Variants in BCL11B observed in about 807,000 individuals in gnomAD.
BCL11B encodes B-cell lymphoma/leukemia 11B.
Under a neutral mutation model 49.9 loss-of-function variants are expected in BCL11B, and 8 were observed. The observed-to-expected ratio is 0.16, with a 90% CI of 0.09 to 0.29. BCL11B has a LOEUF of 0.29. Ranked by LOEUF, BCL11B falls within the 10% of genes least tolerant of loss-of-function variation. The pLI is 1.00. For synonymous variants in BCL11B, 739 were observed against 637.4 expected (o/e 1.16, Z -2.40); for missense variants, 1,006 against 1,351.0 (o/e 0.74, Z 4.00).
chr14:99,252,107 G>A (rs768044907), intron 2 of BCL11B, among the ~76,000 whole-genome samples: 7 of 152,126 alleles, frequency 4.6e-5, no homozygotes, highest in Non-Finnish European at 2.9e-5. Context: ...GCCCTGTTCA[G>A]CCATCCCAAC....
rs1888341427 is a variant in BCL11B at position 99,231,681 on chromosome 14, C to T, written c.428-124G>A. ...CCACCCTTCGGGGGTGGGAGGCCCC[C>T]GGGGTGCCAGGCCCTGCAGGGAAGG... On this transcript the variant is annotated intron_variant, in intron 2 of 3. Coordinates refer to ENST00000357195, the MANE Select transcript of BCL11B (RefSeq NM_138576.4). This position sits in a 1 kb window ranked among gnomAD's most constrained non-coding sequence, Gnocchi z 8.1. The T allele has an allele frequency of 7.3e-6, 6 of 822,156 alleles. No homozygotes were observed. Among genetic ancestry groups the T allele is most frequent in the African/African-American group, 3.7e-5 (2 of 54,492 alleles). 50.9% of individuals were successfully genotyped at this position (822,156 alleles called of 1,614,324 possible). A position where few individuals can be genotyped will look rare whatever the true frequency, so the allele number is the denominator to read the frequency against.
At chr14:99,187,387 AAAT>A (rs1002394987) in intron 3 of BCL11B, among the ~76,000 whole-genome samples, 5 of 152,170 alleles carry the variant, frequency 3.3e-5, no homozygotes, top group African/African-American at 1.2e-4. Context: ...AATCCACTGG[AAAT>A]AATAAAGAAT....
chr14:99,243,464 A>G (rs1023047839), intron 2 of BCL11B, among the ~76,000 whole-genome samples: 7 of 152,176 alleles, frequency 4.6e-5, no homozygotes, highest in African/African-American at 1.4e-4. Context: ...GAAATCAGCA[A>G]TTGCTTCACT....
At chr14:99,267,659 G>T (rs910509407) in intron 1 of BCL11B, among the ~76,000 whole-genome samples, 1 of 152,100 alleles carries the variant, frequency 6.6e-6, no homozygotes, top group Non-Finnish European at 1.5e-5. Flanking sequence ...CTACCCTGGG[G>T]AGTTAAGATA....
At chr14:99,220,629 A>T (rs1210828937) in intron 3 of BCL11B, among the ~76,000 whole-genome samples, 1 of 152,144 alleles carries the variant, frequency 6.6e-6, no homozygotes, top group Non-Finnish European at 1.5e-5. Flanking sequence ...GTTTGGGATG[A>T]TGGAAAAGCT....
At chr14:99,197,078 C>T (rs1887198985) in intron 3 of BCL11B, among the ~76,000 whole-genome samples, 1 of 152,200 alleles carries the variant, frequency 6.6e-6, no homozygotes, top group Admixed American at 6.5e-5. Context: ...CATTTTGTTA[C>T]AGGTGAAGGA....
intron 2 of BCL11B, among the ~76,000 whole-genome samples, chr14:99,251,818 C>A (rs1310359887): frequency 6.6e-6 from 1 of 152,114 alleles, no homozygotes; most frequent in African/African-American, 2.4e-5. Flanking sequence ...CATCAAGGCC[C>A]CACCAGCCAG....
chr14:99,270,916 C>CG, intron 1 of BCL11B, among the ~76,000 whole-genome samples: 1 of 151,762 alleles, frequency 6.6e-6, no homozygotes, highest in African/African-American at 2.4e-5. Flanking sequence ...GGCCCGGAGC[C>CG]GGCTCCGCAG....
In BCL11B at chr14:99,184,090, T is replaced by G. The variant is rs1886785700; in HGVS notation, c.641-7895A>C. Among the ~76,000 whole-genome samples, 3 of 151,984 alleles carry G rather than the reference T, an allele frequency of 2.0e-5. No homozygotes were observed. Among genetic ancestry groups the G allele is most frequent in the Non-Finnish European group, 4.4e-5 (3 of 67,996 alleles). ...GGCCTCCCTGATACCCAGGACGATG[T>G]ATCAGGCACCCCAGCCTTTGGGATC... On this transcript the variant is annotated intron_variant, in intron 3 of 3. Coordinates refer to ENST00000357195, the MANE Select transcript of BCL11B (RefSeq NM_138576.4). This position sits in a 1 kb window ranked among gnomAD's most constrained non-coding sequence, Gnocchi z 6.1.
At chr14:99,255,745 A>T (rs1454992147) in intron 2 of BCL11B, among the ~76,000 whole-genome samples, 1 of 152,218 alleles carries the variant, frequency 6.6e-6, no homozygotes, top group Non-Finnish European at 1.5e-5. Context: ...ACCAACAAAG[A>T]CAAAAGGGAC....
At chr14:99,227,344 G>A (rs1263507730) in intron 3 of BCL11B, among the ~76,000 whole-genome samples, 1 of 152,070 alleles carries the variant, frequency 6.6e-6, no homozygotes, top group South Asian at 2.1e-4. Flanking sequence ...TCCCCAGAAC[G>A]ACCCTTCAGA....
Position 99,169,959 on chromosome 14 carries a change from T to TA in BCL11B, c.*4191dup, listed in dbSNP as rs1566789502. 8.7e-6 allele frequency: 2 copies of TA among 229,682 alleles called. No homozygotes were observed. Among genetic ancestry groups the TA allele is most frequent in the Admixed American group, 1.1e-4 (2 of 17,644 alleles). 14.2% of individuals were successfully genotyped at this position (229,682 alleles called of 1,614,324 possible). A position where few individuals can be genotyped will look rare whatever the true frequency, so the allele number is the denominator to read the frequency against. On this transcript the variant is annotated 3_prime_UTR_variant, in exon 4 of 4. Transcript: ENST00000357195. Reference sequence around the variant, plus strand: ...CTGAGGTCGGCTGGGTCACCCATGCTAGAGGCCTCTCTCTCGGGATCATCT... The same window carrying TA: ...CTGAGGTCGGCTGGGTCACCCATGCTAAGAGGCCTCTCTCTCGGGATCATCT...
chr14:99,267,271 A>C lies in BCL11B; in HGVS notation c.58+3890T>G, dbSNP rs186952398. ...ACAGGCAGATAGCAACCTCCCCATCAAAAAAAAAGAAAAGAAAAGAAAAGA... is the reference window on the plus strand; with the variant it reads ...ACAGGCAGATAGCAACCTCCCCATCCAAAAAAAAGAAAAGAAAAGAAAAGA... On this transcript the variant is annotated intron_variant, in intron 1 of 3. Coordinates refer to ENST00000357195, the MANE Select transcript of BCL11B (RefSeq NM_138576.4). 6.7e-3 allele frequency among the ~76,000 whole-genome samples: 1,005 copies of C among 149,392 alleles called. 8 individuals are homozygous for C. Among genetic ancestry groups the C allele is most frequent in the African/African-American group, 0.024 (931 of 39,486 alleles).
chr14:99,240,804 A>G (rs1049546178), intron 2 of BCL11B, among the ~76,000 whole-genome samples: 4 of 152,260 alleles, frequency 2.6e-5, no homozygotes, highest in Non-Finnish European at 5.9e-5. Context: ...TTGTTAGCAC[A>G]TTAACGCTAG....
intron 3 of BCL11B, among the ~76,000 whole-genome samples, chr14:99,208,901 G>A (rs960036763): frequency 1.3e-5 from 2 of 152,206 alleles, no homozygotes; most frequent in Non-Finnish European, 2.9e-5. Context: ...CACATACACT[G>A]CAGCCAGGCC....
intron 3 of BCL11B, among the ~76,000 whole-genome samples, chr14:99,224,975 C>T (rs1380738487): frequency 6.6e-6 from 1 of 152,142 alleles, no homozygotes; most frequent in Non-Finnish European, 1.5e-5. Context: ...AGTCTCAAAC[C>T]CAGGATGTGT....
intron 3 of BCL11B, among the ~76,000 whole-genome samples, chr14:99,223,836 G>A (rs1888083195): frequency 6.6e-6 from 1 of 152,226 alleles, no homozygotes; most frequent in Non-Finnish European, 1.5e-5. Context: ...GTCCTCAGGT[G>A]GGACACCTCT....
intron 3 of BCL11B, among the ~76,000 whole-genome samples, chr14:99,224,624 C>A (rs924395869): frequency 6.6e-6 from 1 of 152,206 alleles, no homozygotes; most frequent in African/African-American, 2.4e-5. Context: ...CCGGCCTTTT[C>A]CCTCTGATTC....
intron 3 of BCL11B, among the ~76,000 whole-genome samples, chr14:99,218,061 G>GT (rs35487573): frequency 0.031 from 3,672 of 116,926 alleles, 228 homozygotes; most frequent in African/African-American, 0.052. Flanking sequence ...ATCATTGCAG[G>GT]TTTTTTTTTT....
Sources: gnomAD v4.1 joint callset for allele counts (sites outside exome capture counted in the v4.1 genomes callset) on GRCh38, gnomAD v4.1.1 for gene constraint, Gnocchi (gnomAD v3.1) non-coding constraint, MANE v1.5 for transcripts, NCBI Gene and HGNC (gene_info 2026-07-23, HGNC 2026-07-21) for gene names.